The following PRR12 variants were observed in gnomAD, a reference collection of about 807,000 sequenced individuals.
PRR12 encodes the protein proline rich 12, also known as proline-rich protein 12.
Under a neutral mutation model 138.0 loss-of-function variants are expected in PRR12, and 12 were observed. The ratio of observed to expected loss-of-function variants is 0.09; its 90% CI spans 0.06 to 0.14. The LOEUF (loss-of-function observed/expected upper bound fraction) is 0.14. Ranked by LOEUF, PRR12 falls within the 10% of genes least tolerant of loss-of-function variation. The pLI is 1.00. For missense variants in PRR12, 2,692 were observed against 2,861.3 expected (o/e 0.94, Z 1.35); for synonymous variants, 1,567 against 1,291.7 (o/e 1.21, Z -4.57).
intron 6 of PRR12, among the ~76,000 whole-genome samples, chr19:49,612,930 G>A (rs1461608395): frequency 2.0e-5 from 3 of 151,916 alleles, no homozygotes; most frequent in Admixed American, 6.6e-5. Context: ...CAAAATGTTG[G>A]GATTAAAGGT....
rs767529060 is a variant in PRR12, at chr19:49,599,904, G to A, written c.4311G>A (p.Pro1437=). 14 of 1,609,528 alleles carry A rather than the reference G, an allele frequency of 8.7e-6. No individual in the cohort carries two copies. The East Asian group carries it at 8.9e-5, about 10-fold the overall frequency. Reference sequence around the variant, plus strand: ...CAGTTCCAGGGCCACCCCCTCTTCCGGGGCTCCCCAGTGCCAACAGCAATG... The same window carrying A: ...CAGTTCCAGGGCCACCCCCTCTTCCAGGGCTCCCCAGTGCCAACAGCAATG... The part of the protein sequence containing the change: ...AAAVPGPPPL[P]GLPSANSNGT... Residue 1437 remains proline (P), a synonymous_variant, in exon 5 of 14, where the codon CCG becomes CCA. Transcript: ENST00000418929. The surrounding 1 kb of genome is among the most constrained non-coding windows in gnomAD (Gnocchi z 5.0).
At chr19:49,593,219 CA>C in intron 1 of PRR12, 107 bp from the exon 2 acceptor site, 4 of 601,502 alleles carry the variant, frequency 6.7e-6, no homozygotes, top group South Asian at 2.0e-5. Flanking sequence ...TAACACCCCC[CA>C]CCCCGGTCAG....
At chr19:49,600,726 T>C (rs192451676) in intron 5 of PRR12, among the ~76,000 whole-genome samples, 1 of 151,460 alleles carries the variant, frequency 6.6e-6, no homozygotes, top group Non-Finnish European at 1.5e-5. Flanking sequence ...ACAGGGTCTC[T>C]CTATGTCACC....
Position 49,595,994 on chromosome 19 carries a change from G to A in PRR12, c.1659G>A (p.Leu553=), listed in dbSNP as rs767168722. The change falls in exon 4 of 14, where the codon CTG becomes CTA. Residue 553 remains leucine (L), a synonymous_variant. Transcript: ENST00000418929. The part of the protein sequence containing the change: ...GHGGGWGPSS[L]GGGGEASPSH... ...GGGGTGGCTGGGGACCCAGCTCCCT[G>A]GGAGGCGGCGGTGAGGCCAGCCCAT... The A allele has an allele frequency of 6.2e-7, 1 of 1,600,818 alleles. No homozygotes were observed. The highest frequency in any genetic ancestry group is 8.5e-7 in the Non-Finnish European group (1 of 1,179,682).
intron 6 of PRR12, among the ~76,000 whole-genome samples, chr19:49,607,255 G>T (rs561760296): frequency 1.9e-3 from 283 of 152,270 alleles, no homozygotes; most frequent in Non-Finnish European, 3.5e-3. Context: ...TTGGGATGTT[G>T]AGGTGGGAGG....
At chr19:49,608,658 C>T (rs571973598) in intron 6 of PRR12, among the ~76,000 whole-genome samples, 18 of 151,970 alleles carry the variant, frequency 1.2e-4, no homozygotes, top group Admixed American at 4.6e-4. Flanking sequence ...TGTGAGCCAC[C>T]GCGCCCGGCC....
In PRR12 at chr19:49,594,099, C is replaced by T. The variant is rs2080747978; in HGVS notation, c.200-355C>T. 6.6e-6 allele frequency among the ~76,000 whole-genome samples: 1 copy of T among 152,162 alleles called. No individual in the cohort carries two copies. ...TTGTCCCATCCTTTCCTCTTCCTTG[C>T]TGGAAATATCCAAATTTGGTCTCCC... On this transcript the variant is annotated intron_variant, in intron 2 of 13. Coordinates refer to ENST00000418929, the MANE Select transcript of PRR12 (RefSeq NM_020719.3). This position sits in a 1 kb window ranked among gnomAD's most constrained non-coding sequence, Gnocchi z 5.6.
chr19:49,596,233 C>A lies in PRR12; in HGVS notation c.1898C>A (p.Ala633Glu). 1.9e-6 allele frequency: 3 copies of A among 1,610,770 alleles called. No homozygotes were observed. Among genetic ancestry groups the A allele is most frequent in the Non-Finnish European group, 2.5e-6 (3 of 1,179,596 alleles). ...CTGGCGGGCCCAGGTGGGCCTCCTG[C>A]GGAGCGCACAGAGGATGAGGAGTTC... is the stretch of plus-strand genomic sequence containing the variant. ...ELLAGPGGPP[A>E]ERTEDEEFLI... is the part of the protein sequence containing the mutation. Residue 633 changes from alanine to glutamate, a missense_variant, in exon 4 of 14, where the codon GCG becomes GAG. This residue lies in a region of PRR12 where 840 missense variants were observed against 689.8 expected (regional missense o/e 1.22). Transcript: ENST00000418929. The surrounding 1 kb of genome is among the most constrained non-coding windows in gnomAD (Gnocchi z 5.6).
In PRR12 at chr19:49,626,208, CG is replaced by C. The variant is rs2080955087; in HGVS notation, c.*603del. 1.3e-5 allele frequency: 2 copies of C among 152,136 alleles called. No individual in the cohort carries two copies. The highest frequency in any genetic ancestry group is 4.8e-5 in the African/African-American group (2 of 41,400). The allele number at this position is 152,136 out of a possible 1,614,324, so 9.4% of individuals were successfully genotyped here. Reference sequence around the variant, plus strand: ...CTCTGCCCCTCCCACTCCTTTTCTACGGCGATTTGTCTGTGTCTGGCCCCCA... The same window carrying C: ...CTCTGCCCCTCCCACTCCTTTTCTACGCGATTTGTCTGTGTCTGGCCCCCA... On this transcript the variant is annotated 3_prime_UTR_variant, in exon 14 of 14. Coordinates refer to ENST00000418929, the MANE Select transcript of PRR12 (RefSeq NM_020719.3).
chr19:49,607,229 C>T lies in PRR12; in HGVS notation c.4773+5311C>T, dbSNP rs372511109. The stretch of plus-strand genomic sequence containing the variant: ...TTCGGCTACATGCGGTGGCTCACAC[C>T]TGTAATCCCAGCAGTTTGGGATGTT... On this transcript the variant is annotated intron_variant, in intron 6 of 13. Coordinates refer to ENST00000418929, the MANE Select transcript of PRR12 (RefSeq NM_020719.3). 1.5e-3 allele frequency among the ~76,000 whole-genome samples: 227 copies of T among 152,234 alleles called. 1 individual carries two copies. The highest frequency in any genetic ancestry group is 5.2e-3 in the African/African-American group (215 of 41,552).
Position 49,594,352 on chromosome 19 carries a change from C to T in PRR12, c.200-102C>T. On this transcript the variant is annotated intron_variant, in intron 2 of 13. Transcript: ENST00000418929. The surrounding 1 kb of genome is among the most constrained non-coding windows in gnomAD (Gnocchi z 5.6). ...AATTTGCCCTTTTCTCTCCCATCCC[C>T]TCCTTTTCCTGATCCAACTTGCTTT... is the stretch of plus-strand genomic sequence containing the variant. 4.1e-6 allele frequency: 5 copies of T among 1,217,684 alleles called. No individual in the cohort carries two copies. The highest frequency in any genetic ancestry group is 5.7e-6 in the Non-Finnish European group (5 of 876,372). 75.4% of individuals were successfully genotyped at this position (1,217,684 alleles called of 1,614,324 possible).
chr19:49,623,354 G>A (rs535561942), intron 11 of PRR12, among the ~76,000 whole-genome samples: 20 of 152,164 alleles, frequency 1.3e-4, no homozygotes, highest in South Asian at 1.2e-3. Flanking sequence ...GGCTGGGCGC[G>A]GAGGCTCATG....
chr19:49,620,264 C>T (rs1360119828), intron 9 of PRR12, 88 bp from the exon 10 acceptor site: 6 of 1,542,210 alleles, frequency 3.9e-6, no homozygotes, highest in Admixed American at 1.9e-5. Flanking sequence ...ATTTCTCTTC[C>T]GGTCCCCAGT....
In PRR12 at chr19:49,594,448, G is replaced by T. The variant is rs751809499; in HGVS notation, c.200-6G>T. ...CTGGCTGACTATAACCCCTGTCCCC[G>T]GCCAGGCCTCTCTGGACTCTTCGAC... On this transcript the variant is annotated splice_region_variant and splice_polypyrimidine_tract_variant and intron_variant, in intron 2 of 13. Coordinates refer to ENST00000418929, the MANE Select transcript of PRR12 (RefSeq NM_020719.3). The surrounding 1 kb of genome is among the most constrained non-coding windows in gnomAD (Gnocchi z 5.6). 7 of 1,504,760 alleles carry T rather than the reference G, an allele frequency of 4.7e-6. No individual in the cohort carries two copies. The Admixed American group carries it at 7.8e-5, about 17-fold the overall frequency. 93.2% of individuals were successfully genotyped at this position (1,504,760 alleles called of 1,614,324 possible).
intron 6 of PRR12, among the ~76,000 whole-genome samples, chr19:49,612,162 G>A (rs1436862156): frequency 6.6e-6 from 1 of 150,898 alleles, no homozygotes; most frequent in African/African-American, 2.4e-5. Flanking sequence ...CTCAGGAGAT[G>A]GAGGTTGCAG....
rs909455467 is a variant in PRR12 at position 49,615,029 on chromosome 19, C to T, written c.5024+20C>T. 6.2e-7 allele frequency: 1 copy of T among 1,613,294 alleles called. No individual in the cohort carries two copies. Among genetic ancestry groups the T allele is most frequent in the Admixed American group, 1.7e-5 (1 of 59,988 alleles). On this transcript the variant is annotated intron_variant, in intron 8 of 13. Coordinates refer to ENST00000418929, the MANE Select transcript of PRR12 (RefSeq NM_020719.3). ...AGTCAGGTACCAACCATGGGGGACA[C>T]AGGGGCAGGTAGTATGTAGCGCCGA...
chr19:49,609,927 G>T (rs2080857098), intron 6 of PRR12, among the ~76,000 whole-genome samples: 1 of 152,146 alleles, frequency 6.6e-6, no homozygotes, highest in Non-Finnish European at 1.5e-5. Flanking sequence ...CACAGCCTCT[G>T]TCCTGGGACG....
chr19:49,602,973 A>C (rs949336978), intron 6 of PRR12, among the ~76,000 whole-genome samples: 2 of 152,274 alleles, frequency 1.3e-5, no homozygotes, highest in African/African-American at 4.8e-5. Flanking sequence ...GGCCAAATCC[A>C]GCCCACTGCT....
At chr19:49,600,410 G>A (rs910389489) in intron 5 of PRR12, among the ~76,000 whole-genome samples, 1 of 151,150 alleles carries the variant, frequency 6.6e-6, no homozygotes, top group Admixed American at 6.6e-5. Context: ...TTTAAGGAGT[G>A]TAATGTCAGA....
Sources: gnomAD v4.1 joint callset for allele counts (sites outside exome capture counted in the v4.1 genomes callset) on GRCh38, gnomAD v4.1.1 for gene constraint, gnomAD v4.1.1 regional missense constraint, Gnocchi (gnomAD v3.1) non-coding constraint, MANE v1.5 for transcripts, NCBI Gene and HGNC (gene_info 2026-07-23, HGNC 2026-07-21) for gene names.